The following SAMD12 variants were observed in gnomAD, a reference collection of about 807,000 sequenced individuals.
SAMD12 encodes the protein sterile alpha motif domain-containing protein 12.
Under a neutral mutation model 15.0 loss-of-function variants are expected in SAMD12, and 9 were observed. The observed-to-expected ratio is 0.60, with a 90% CI of 0.36 to 1.05. The LOEUF (loss-of-function observed/expected upper bound fraction) is 1.05. SAMD12 is among the 50% of genes least tolerant of loss of function. The pLI, the probability that SAMD12 is intolerant of heterozygous loss-of-function variation, is 0.01. For missense variants in SAMD12, 230 were observed against 234.2 expected (o/e 0.98, Z 0.12); for synonymous variants, 86 against 90.1 (o/e 0.96, Z 0.25).
intron 2 of SAMD12, among the ~76,000 whole-genome samples, chr8:118,531,759 A>G (rs1825691402): frequency 6.6e-6 from 1 of 152,090 alleles, no homozygotes; most frequent in Non-Finnish European, 1.5e-5. Flanking sequence ...AATGCTTGTG[A>G]TTTTTGCACA....
chr8:118,169,068 GA>G, the SAMD12 span, among the ~76,000 whole-genome samples: 1 of 152,096 alleles, frequency 6.6e-6, no homozygotes, highest in Non-Finnish European at 1.5e-5. Flanking sequence ...AAAGAAAGGG[GA>G]AAGGGTTGAA....
chr8:118,463,457 G>A (rs1040041670), intron 2 of SAMD12, among the ~76,000 whole-genome samples: 1 of 152,142 alleles, frequency 6.6e-6, no homozygotes, highest in Admixed American at 6.5e-5. Flanking sequence ...AGCAGGTGGC[G>A]AGTGGGCAGG....
intron 1 of SAMD12, among the ~76,000 whole-genome samples, chr8:118,614,477 A>G (rs576544418): frequency 6.6e-6 from 1 of 152,266 alleles, no homozygotes; most frequent in South Asian, 2.1e-4. Flanking sequence ...CCTAGGAGAG[A>G]GTCCTGCACT....
At chr8:118,549,869 T>A (rs946520723) in intron 2 of SAMD12, among the ~76,000 whole-genome samples, 1 of 151,916 alleles carries the variant, frequency 6.6e-6, no homozygotes, top group Non-Finnish European at 1.5e-5. Flanking sequence ...GCTCCAGAAC[T>A]ACATGAAGAA....
At chr8:118,595,403 AT>A (rs1416556555) in intron 1 of SAMD12, among the ~76,000 whole-genome samples, 1 of 152,238 alleles carries the variant, frequency 6.6e-6, no homozygotes, top group African/African-American at 2.4e-5. Flanking sequence ...TTAGCAATTC[AT>A]TTTATGGTGG....
At chr8:118,317,523 A>T (rs942275111) in intron 4 of SAMD12, among the ~76,000 whole-genome samples, 1 of 152,196 alleles carries the variant, frequency 6.6e-6, no homozygotes, top group Non-Finnish European at 1.5e-5. Flanking sequence ...GTAGATACAA[A>T]GAGTATATAA....
At chr8:118,372,654 C>T (rs1350480833) in intron 4 of SAMD12, among the ~76,000 whole-genome samples, 1 of 152,064 alleles carries the variant, frequency 6.6e-6, no homozygotes, top group African/African-American at 2.4e-5. Flanking sequence ...GTGCTTATGG[C>T]AGCTTTCTTT....
chr8:118,227,018 A>C (rs1812203420), intron 4 of SAMD12, among the ~76,000 whole-genome samples: 2 of 152,220 alleles, frequency 1.3e-5, no homozygotes, highest in South Asian at 4.1e-4. Context: ...ATTACTGGGT[A>C]TATACCTAGA....
intron 4 of SAMD12, among the ~76,000 whole-genome samples, chr8:118,345,971 G>A (rs1817623930): frequency 6.6e-6 from 1 of 152,190 alleles, no homozygotes; most frequent in African/African-American, 2.4e-5. Flanking sequence ...AGATGCTGGG[G>A]CTAACCACCG....
intron 2 of SAMD12, among the ~76,000 whole-genome samples, chr8:118,485,020 C>T (rs936788108): frequency 6.6e-6 from 1 of 152,132 alleles, no homozygotes; most frequent in African/African-American, 2.4e-5. Context: ...GAAATCTGTT[C>T]CTGTTTGTCT....
chr8:118,443,178 A>G (rs568434245), intron 2 of SAMD12, among the ~76,000 whole-genome samples: 43 of 152,292 alleles, frequency 2.8e-4, no homozygotes, highest in Admixed American at 1.3e-3. Context: ...TTAAGACTGT[A>G]TGAGGCTGGG....
chr8:118,407,351 G>A (rs187096183), intron 3 of SAMD12, among the ~76,000 whole-genome samples: 10 of 151,992 alleles, frequency 6.6e-5, no homozygotes, highest in East Asian at 5.8e-4. Context: ...TTCAATAGTC[G>A]CCATCCTAAT....
At chr8:118,274,637 T>TAG (rs1813432595) in intron 4 of SAMD12, among the ~76,000 whole-genome samples, 1 of 152,198 alleles carries the variant, frequency 6.6e-6, no homozygotes, top group African/African-American at 2.4e-5. Flanking sequence ...ACAATTTACA[T>TAG]ACATATATCT....
chr8:118,512,439 C>T (rs1347424389), intron 2 of SAMD12, among the ~76,000 whole-genome samples: 4 of 152,060 alleles, frequency 2.6e-5, no homozygotes, highest in African/African-American at 9.7e-5. Flanking sequence ...TTTTATGACA[C>T]TTACAGTTGA....
At chr8:118,394,711 T>A (rs1445108655) in intron 3 of SAMD12, 1 of 152,206 alleles carries the variant, frequency 6.6e-6, no homozygotes, top group Non-Finnish European at 1.5e-5. Flanking sequence ...CCCAGGCTAG[T>A]GATGGTGCCA....
At chr8:118,456,115 C>G (rs1000236485) in intron 2 of SAMD12, among the ~76,000 whole-genome samples, 4 of 152,238 alleles carry the variant, frequency 2.6e-5, no homozygotes, top group African/African-American at 9.6e-5. Flanking sequence ...GCCCTCTCTC[C>G]TAATGCATCT....
the SAMD12 span, among the ~76,000 whole-genome samples, chr8:118,157,467 T>C: frequency 1.3e-5 from 2 of 152,230 alleles, no homozygotes; most frequent in African/African-American, 4.8e-5. Context: ...CTTCAGCTAT[T>C]GCTGAAGCAA....
Position 118,302,438 on chromosome 8 carries a change from A to G in SAMD12, c.433+77122T>C, listed in dbSNP as rs1815099126. Among the ~76,000 whole-genome samples the G allele has an allele frequency of 2.6e-5, 4 of 152,176 alleles. No homozygotes were observed. The South Asian group carries it at 6.2e-4, about 24-fold the overall frequency. ...CCAGGATATTTAGAACATTTGGAGA[A>G]TAACGAGAGGATATATAATAAAGGG... On this transcript the variant is annotated intron_variant, in intron 4 of 4. Transcript: ENST00000409003.
At chr8:118,158,845 G>C in the SAMD12 span, among the ~76,000 whole-genome samples, 1 of 152,048 alleles carries the variant, frequency 6.6e-6, no homozygotes, top group Admixed American at 6.5e-5. Flanking sequence ...CCTCCCAGTT[G>C]AGAGCTGAAC....
Sources: gnomAD v4.1 joint callset for allele counts (sites outside exome capture counted in the v4.1 genomes callset) on GRCh38, gnomAD v4.1.1 for gene constraint, MANE v1.5 for transcripts, NCBI Gene and HGNC (gene_info 2026-07-23, HGNC 2026-07-21) for gene names.